Variants in SALL3 observed in about 807,000 individuals in gnomAD.
The protein encoded by SALL3 is sal-like protein 3.
In SALL3, 25 loss-of-function variants were observed where a neutral mutation model predicts 66.2. The observed-to-expected ratio is 0.38, with a 90% CI of 0.28 to 0.53. SALL3 has a LOEUF of 0.53. Ranked by LOEUF, SALL3 falls within the 20% of genes least tolerant of loss-of-function variation. The probability of loss-of-function intolerance (pLI) is 0.85; values close to 1 mark genes in which losing one functional copy is unlikely to be tolerated. For missense variants in SALL3, 2,194 were observed against 1,916.5 expected (o/e 1.14, Z -2.70); for synonymous variants, 1,152 against 899.1 (o/e 1.28, Z -5.03).
chr18:78,987,707 G>A (rs781665376), intron 1 of SALL3, among the ~76,000 whole-genome samples: 6 of 152,278 alleles, frequency 3.9e-5, no homozygotes, highest in South Asian at 2.1e-4. Flanking sequence ...CCACCTTCAC[G>A]TTCACATAGA....
At position 78,993,802 on chromosome 18, in the gene SALL3, C is replaced by G. The variant is rs755249164; in HGVS notation, c.1811C>G (p.Thr604Ser). 1.7e-5 allele frequency: 26 copies of G among 1,554,892 alleles called. No individual in the cohort carries two copies. The highest frequency in any genetic ancestry group is 2.2e-5 in the Non-Finnish European group (25 of 1,156,056). Residue 604 changes from threonine to serine, a missense_variant, in exon 2 of 3, where the codon ACC becomes AGC. By Grantham distance (58) the Thr-to-Ser change is moderately conservative. Coordinates refer to ENST00000537592, the MANE Select transcript of SALL3 (RefSeq NM_171999.4). ...GCCGAGCCCGTCAGCCTGCCCTGCA[C>G]CAACGCCAGGGCCGGGGACGCTCCC... Reference protein sequence around the residue: ...TKAEPVSLPCTNARAGDAPVG... With the variant: ...TKAEPVSLPCSNARAGDAPVG...
Position 78,992,946 on chromosome 18 carries a change from G to T in SALL3, c.955G>T (p.Ala319Ser), listed in dbSNP as rs907597526. The change falls in exon 2 of 3, where the codon GCC becomes TCC. Residue 319 changes from alanine to serine, a missense_variant. Physicochemically the swap from Ala to Ser is moderately conservative, Grantham distance 99. Coordinates refer to ENST00000537592, the MANE Select transcript of SALL3 (RefSeq NM_171999.4). ...GCCCGCCGCCCCCAGCGCCGCCCCTGCCCCCGCTGCCCCCGCCCCGGCGCC... is the reference window on the plus strand; with the variant it reads ...GCCCGCCGCCCCCAGCGCCGCCCCTTCCCCCGCTGCCCCCGCCCCGGCGCC... Reference protein sequence around the residue: ...SAPAAPSAAPAPAAPAPAPAP... With the variant: ...SAPAAPSAAPSPAAPAPAPAP... 4 of 1,101,250 alleles carry T rather than the reference G, an allele frequency of 3.6e-6. No homozygotes were observed. The highest frequency in any genetic ancestry group is 4.4e-6 in the Non-Finnish European group (4 of 905,248). The allele number at this position is 1,101,250 out of a possible 1,614,324, so 68.2% of individuals were successfully genotyped here. A position where few individuals can be genotyped will look rare whatever the true frequency, so the allele number is the denominator to read the frequency against.
Position 78,993,031 on chromosome 18 carries a change from C to T in SALL3, c.1040C>T (p.Ala347Val), listed in dbSNP as rs771422553. The T allele has an allele frequency of 1.3e-6, 2 of 1,566,856 alleles. No individual in the cohort carries two copies. The highest frequency in any genetic ancestry group is 3.5e-5 in the Admixed American group (2 of 56,360). ...PQSASTPPAL[A>V]PGSLLGAAPG... ...AGCGCATCCACGCCGCCTGCCCTGG[C>T]CCCGGGGTCCCTGCTGGGTGCGGCG... The change falls in exon 2 of 3, where the codon GCC (alanine) becomes GTC (valine). Residue 347 changes from alanine (A) to valine (V), a missense_variant. By Grantham distance (64) the Ala-to-Val change is moderately conservative. Transcript: ENST00000537592.
Position 78,993,614 on chromosome 18 carries a change from C to A in SALL3, c.1623C>A (p.Ala541=). The change falls in exon 2 of 3, where the codon GCC becomes GCA. Residue 541 remains alanine, a synonymous_variant. Transcript: ENST00000537592. ...CTGTCCCTGGCGCGCACGGCTACGC[C>A]GACTCTCCCAGCGCCACCCCAGCCA... ...PPTVPGAHGY[A]DSPSATPASR... The A allele has an allele frequency of 1.3e-6, 2 of 1,585,096 alleles. No individual in the cohort carries two copies. Among genetic ancestry groups the A allele is most frequent in the Non-Finnish European group, 1.7e-6 (2 of 1,173,164 alleles).
intron 1 of SALL3, among the ~76,000 whole-genome samples, chr18:78,988,214 T>C (rs1251560359): frequency 6.6e-6 from 1 of 152,242 alleles, no homozygotes; most frequent in Non-Finnish European, 1.5e-5. Flanking sequence ...ATACTGGCTT[T>C]AAATGATGGC....
intron 1 of SALL3, among the ~76,000 whole-genome samples, chr18:78,989,827 C>G (rs1914366212): frequency 6.6e-6 from 1 of 152,148 alleles, no homozygotes; most frequent in South Asian, 2.1e-4. Context: ...TGTTTAGTTA[C>G]AGTAGTTATT....
Position 78,992,581 on chromosome 18 carries a change from T to A in SALL3, c.590T>A (p.Val197Glu). 6.6e-7 allele frequency: 1 copy of A among 1,507,216 alleles called. No homozygotes were observed. The highest frequency in any genetic ancestry group is 2.1e-4 in the Middle Eastern group (1 of 4,756). 93.4% of individuals were successfully genotyped at this position (1,507,216 alleles called of 1,614,324 possible). ...GGCGGCTCGGGAGCAGGTGGAGGCG[T>A]GGCAGCTGCAGCCGTGCCCCTGATC... ...AAGGSGAGGGVAAAAVPLILE... is the reference protein window; with the variant it reads ...AAGGSGAGGGEAAAAVPLILE... The change falls in exon 2 of 3, where the codon GTG becomes GAG. Residue 197 changes from valine (V) to glutamate (E), a missense_variant. Val to Glu is a moderately radical substitution (Grantham distance 121). Coordinates refer to ENST00000537592, the MANE Select transcript of SALL3 (RefSeq NM_171999.4).
Position 78,994,055 on chromosome 18 carries a change from G to C in SALL3, c.2064G>C (p.Leu688=), listed in dbSNP as rs1317490938. 1.2e-6 allele frequency: 2 copies of C among 1,612,816 alleles called. No homozygotes were observed. The highest frequency in any genetic ancestry group is 2.2e-5 in the East Asian group (1 of 44,876). The change falls in exon 2 of 3, where the codon CTG becomes CTC. Residue 688 remains leucine (L), a synonymous_variant. Transcript: ENST00000537592. ...AGTGCGTCATCTGCCACCGGGTGCT[G>C]AGCTGCCAGAGCGCGCTGAAGATGC... ...PNQCVICHRV[L]SCQSALKMHY... is the part of the protein sequence containing the mutation.
intron 1 of SALL3, among the ~76,000 whole-genome samples, chr18:78,982,069 T>C (rs1914090716): frequency 6.6e-6 from 1 of 152,210 alleles, no homozygotes; most frequent in South Asian, 2.1e-4. Context: ...AAAGCATATT[T>C]TAATTAATAG....
chr18:78,989,390 A>G (rs1403510263), intron 1 of SALL3, among the ~76,000 whole-genome samples: 1 of 152,214 alleles, frequency 6.6e-6, no homozygotes, highest in Non-Finnish European at 1.5e-5. Context: ...ATCTTTGTGA[A>G]AAACAAAAGT....
Position 78,997,717 on chromosome 18 carries a change from T to G in SALL3, c.*395T>G, listed in dbSNP as rs1914747854. The G allele has an allele frequency of 4.7e-6, 1 of 211,308 alleles. No individual in the cohort carries two copies. The highest frequency in any genetic ancestry group is 9.5e-6 in the Non-Finnish European group (1 of 105,440). The allele number at this position is 211,308 out of a possible 1,614,324, so 13.1% of individuals were successfully genotyped here. On this transcript the variant is annotated 3_prime_UTR_variant, in exon 3 of 3. Coordinates refer to ENST00000537592, the MANE Select transcript of SALL3 (RefSeq NM_171999.4). The stretch of plus-strand genomic sequence containing the variant: ...AATTAGTTAGACACTTGAACGGTGT[T>G]TTTTAGAACTCTTCATGTTAAAGAC...
intron 1 of SALL3, 76 bp downstream of exon 1, chr18:78,980,432 G>A: frequency 1.8e-5 from 16 of 872,046 alleles, no homozygotes; most frequent in Non-Finnish European, 2.4e-5. Flanking sequence ...TGCGGCGGGA[G>A]CGGATGCGCG....
At chr18:78,989,085 T>C (rs1431257427) in intron 1 of SALL3, among the ~76,000 whole-genome samples, 1 of 152,206 alleles carries the variant, frequency 6.6e-6, no homozygotes, top group Non-Finnish European at 1.5e-5. Context: ...AATATCTTCA[T>C]TGTATTGGTA....
chr18:78,995,737 G>A (rs1914670967), intron 2 of SALL3, among the ~76,000 whole-genome samples: 1 of 151,890 alleles, frequency 6.6e-6, no homozygotes, highest in Non-Finnish European at 1.5e-5. Flanking sequence ...CCTATGTGTG[G>A]GTGTATGTAA....
At position 78,997,645 on chromosome 18, in the gene SALL3, G is replaced by T; in HGVS notation, c.*323G>T. 2.8e-6 allele frequency: 1 copy of T among 362,422 alleles called. No individual in the cohort carries two copies. The highest frequency in any genetic ancestry group is 5.0e-6 in the Non-Finnish European group (1 of 201,554). The allele number at this position is 362,422 out of a possible 1,614,324, so 22.5% of individuals were successfully genotyped here. ...CTAATAATCTCTCCGAGGGAGAAAG[G>T]GGTTCTCTGCGGTATTCCAGTGAAA... On this transcript the variant is annotated 3_prime_UTR_variant, in exon 3 of 3. Coordinates refer to ENST00000537592, the MANE Select transcript of SALL3 (RefSeq NM_171999.4).
rs1914572567 is a variant in SALL3, at chr18:78,993,855, A to G, written c.1864A>G (p.Thr622Ala). 3 of 1,561,646 alleles carry G rather than the reference A, an allele frequency of 1.9e-6. No homozygotes were observed. The highest frequency in any genetic ancestry group is 2.7e-5 in the African/African-American group (2 of 73,412). The change falls in exon 2 of 3, where the codon ACA (threonine) becomes GCA (alanine). Residue 622 changes from threonine (T) to alanine (A), a missense_variant. Coordinates refer to ENST00000537592, the MANE Select transcript of SALL3 (RefSeq NM_171999.4). ...PVGAQASAAP[T>A]SVDGAPTSLG... Reference sequence around the variant, plus strand: ...GGGCGCGCAGGCTAGCGCTGCACCCACATCGGTGGACGGCGCACCCACGAG... The same window carrying G: ...GGGCGCGCAGGCTAGCGCTGCACCCGCATCGGTGGACGGCGCACCCACGAG...
intron 1 of SALL3, among the ~76,000 whole-genome samples, chr18:78,988,726 TAGTG>T (rs1348912762): frequency 2.6e-5 from 4 of 152,360 alleles, no homozygotes; most frequent in African/African-American, 9.6e-5. Context: ...CAAATGTTGA[TAGTG>T]AGACACAGTC....
At chr18:78,986,681 G>A (rs485446) in intron 1 of SALL3, among the ~76,000 whole-genome samples, 6,034 of 152,338 alleles carry the variant, frequency 0.04, 159 homozygotes, top group Non-Finnish European at 0.06. Context: ...CTTTCCTGAA[G>A]ATCCACGTGG....
At chr18:78,990,990 G>C (rs138767018) in intron 1 of SALL3, among the ~76,000 whole-genome samples, 1 of 152,268 alleles carries the variant, frequency 6.6e-6, no homozygotes, top group East Asian at 1.9e-4. Flanking sequence ...AAGAGGGTAA[G>C]GGGAGACGGA....
Sources: allele counts gnomAD v4.1 joint callset (sites outside exome capture counted in the v4.1 genomes callset), GRCh38; gene constraint gnomAD v4.1.1; transcripts MANE v1.5; gene names NCBI Gene and HGNC (gene_info 2026-07-23, HGNC 2026-07-21).